Variants in CDK14 observed in about 807,000 individuals in gnomAD.
CDK14 encodes the protein cyclin dependent kinase 14, also known as cyclin-dependent kinase 14.
In CDK14, 34 loss-of-function variants were observed where a neutral mutation model predicts 60.7. The ratio of observed to expected loss-of-function variants is 0.56; its 90% CI spans 0.43 to 0.75. The LOEUF is 0.75. Among genes scored for constraint, CDK14 ranks in the 30% least tolerant of loss-of-function variants. CDK14 has a pLI of 0.00. For missense variants in CDK14, 482 were observed against 564.1 expected (o/e 0.85, Z 1.47); for synonymous variants, 197 against 203.7 (o/e 0.97, Z 0.28).
chr7:90,683,591 A>G (rs1042258054), intron 2 of CDK14, among the ~76,000 whole-genome samples: 4 of 152,364 alleles, frequency 2.6e-5, no homozygotes, highest in South Asian at 4.1e-4. Context: ...ACCTGAGGTC[A>G]GGAGCTTGAG....
At chr7:91,085,314 G>T (rs1458021328) in intron 12 of CDK14, among the ~76,000 whole-genome samples, 1 of 152,062 alleles carries the variant, frequency 6.6e-6, no homozygotes, top group Non-Finnish European at 1.5e-5. Flanking sequence ...TATGGCTGAG[G>T]TCTCACTTCC....
chr7:91,161,066 G>C (rs1801156131), intron 14 of CDK14, among the ~76,000 whole-genome samples: 1 of 152,248 alleles, frequency 6.6e-6, no homozygotes, highest in Non-Finnish European at 1.5e-5. Context: ...AGGCGTATCA[G>C]CAGAGAAGCA....
chr7:90,690,671 C>T (rs1215836198), intron 2 of CDK14, among the ~76,000 whole-genome samples: 3 of 152,132 alleles, frequency 2.0e-5, no homozygotes, highest in South Asian at 2.1e-4. Context: ...AGCCAGATGG[C>T]GTTCTCTAGC....
intron 9 of CDK14, among the ~76,000 whole-genome samples, chr7:90,963,692 T>TC (rs1471537106): frequency 6.7e-6 from 1 of 148,646 alleles, no homozygotes; most frequent in Non-Finnish European, 1.5e-5. Flanking sequence ...TTTTTTTTTT[T>TC]CTTTTTTCTT....
At chr7:91,160,880 C>G (rs549799411) in intron 14 of CDK14, among the ~76,000 whole-genome samples, 1 of 152,208 alleles carries the variant, frequency 6.6e-6, no homozygotes, top group South Asian at 2.1e-4. Context: ...TCTATAATTG[C>G]ATTGTAAGCA....
chr7:90,612,977 C>T (rs1359895838), intron 2 of CDK14, among the ~76,000 whole-genome samples: 3 of 152,014 alleles, frequency 2.0e-5, no homozygotes, highest in Non-Finnish European at 2.9e-5. Flanking sequence ...ACATCACTAC[C>T]TCCTTAATTC....
chr7:91,207,653 C>T lies in CDK14; in HGVS notation c.*517C>T, dbSNP rs969423878. 2 of 152,660 alleles carry T rather than the reference C, an allele frequency of 1.3e-5. No individual in the cohort carries two copies. Among genetic ancestry groups the T allele is most frequent in the African/African-American group, 4.8e-5 (2 of 41,470 alleles). 9.5% of individuals were successfully genotyped at this position (152,660 alleles called of 1,614,324 possible). A position where few individuals can be genotyped will look rare whatever the true frequency, so the allele number is the denominator to read the frequency against. On this transcript the variant is annotated 3_prime_UTR_variant, in exon 15 of 15. Coordinates refer to ENST00000380050, the MANE Select transcript of CDK14 (RefSeq NM_001287135.2). ...GGAAATTTTCTGCTAAAGCAAACCC[C>T]TGTTCTCTGACTTGACAACTTGGCC...
chr7:91,076,062 C>G (rs1243175637), intron 11 of CDK14, among the ~76,000 whole-genome samples: 1 of 150,472 alleles, frequency 6.6e-6, no homozygotes, highest in Non-Finnish European at 1.5e-5. Context: ...TTTATAGATT[C>G]AAAGCTATCC....
chr7:90,959,885 C>G (rs892669622), intron 9 of CDK14, among the ~76,000 whole-genome samples: 1 of 152,160 alleles, frequency 6.6e-6, no homozygotes, highest in African/African-American at 2.4e-5. Context: ...TTATCTCCCT[C>G]TGTAAAGGAA....
intron 14 of CDK14, among the ~76,000 whole-genome samples, chr7:91,187,110 CATG>C (rs1802215649): frequency 6.6e-6 from 1 of 152,206 alleles, no homozygotes; most frequent in Non-Finnish European, 1.5e-5. Flanking sequence ...TTCATTTAAA[CATG>C]ATAATTACTC....
chr7:90,807,590 C>A (rs1788908251), intron 5 of CDK14, among the ~76,000 whole-genome samples: 1 of 152,196 alleles, frequency 6.6e-6, no homozygotes, highest in East Asian at 1.9e-4. Flanking sequence ...CAGCTCCTCA[C>A]CAGCAACGGA....
chr7:90,730,683 C>A (rs897380895), intron 3 of CDK14, among the ~76,000 whole-genome samples: 5 of 152,056 alleles, frequency 3.3e-5, no homozygotes, highest in African/African-American at 4.8e-5. Context: ...TATTCTTTGC[C>A]TACTTTTTGA....
intron 2 of CDK14, among the ~76,000 whole-genome samples, chr7:90,633,547 G>C (rs1357133404): frequency 6.6e-6 from 1 of 152,140 alleles, no homozygotes; most frequent in Non-Finnish European, 1.5e-5. Context: ...AATACACAGA[G>C]ATTGCTACTG....
intron 4 of CDK14, among the ~76,000 whole-genome samples, chr7:90,750,825 A>G (rs1317610556): frequency 6.6e-6 from 1 of 152,008 alleles, no homozygotes; most frequent in Non-Finnish European, 1.5e-5. Flanking sequence ...GTGAGCTGAG[A>G]TCACACCACT....
chr7:90,611,351 G>C (rs978003870), intron 2 of CDK14, among the ~76,000 whole-genome samples: 2 of 152,120 alleles, frequency 1.3e-5, no homozygotes, highest in Non-Finnish European at 2.9e-5. Context: ...ATGTCCAACT[G>C]CCCACTAGAA....
At chr7:90,713,895 A>G (rs1802150229) in intron 2 of CDK14, among the ~76,000 whole-genome samples, 4 of 152,046 alleles carry the variant, frequency 2.6e-5, no homozygotes, top group African/African-American at 7.2e-5. Context: ...TTGAGATAAT[A>G]CTAGTCACCT....
chr7:90,848,685 A>G (rs993387688), intron 5 of CDK14, among the ~76,000 whole-genome samples: 1 of 152,136 alleles, frequency 6.6e-6, no homozygotes, highest in Non-Finnish European at 1.5e-5. Flanking sequence ...TCTGAGCCAC[A>G]TTAGTCTTAT....
intron 4 of CDK14, among the ~76,000 whole-genome samples, chr7:90,765,244 A>G (rs890396328): frequency 6.6e-6 from 1 of 152,216 alleles, no homozygotes; most frequent in African/African-American, 2.4e-5. Flanking sequence ...CTTTTTTATT[A>G]AAAAAAGTTA....
intron 7 of CDK14, among the ~76,000 whole-genome samples, chr7:90,916,493 A>G (rs940658700): frequency 6.6e-6 from 1 of 152,200 alleles, no homozygotes; most frequent in Admixed American, 6.5e-5. Context: ...TGGCTTTCAA[A>G]GCCCCTGCTT....
Sources: allele counts gnomAD v4.1 joint callset (sites outside exome capture counted in the v4.1 genomes callset), GRCh38; gene constraint gnomAD v4.1.1; transcripts MANE v1.5; gene names NCBI Gene and HGNC (gene_info 2026-07-23, HGNC 2026-07-21).